Variants in CNTN5 observed in about 807,000 individuals in gnomAD.
CNTN5 encodes contactin 5.
In CNTN5, 77 loss-of-function variants were observed where a neutral mutation model predicts 129.1. The ratio of observed to expected loss-of-function variants is 0.60; its 90% CI spans 0.50 to 0.72. The LOEUF is 0.72. Among genes scored for constraint, CNTN5 ranks in the 30% least tolerant of loss-of-function variants. CNTN5 has a pLI of 0.00. For synonymous variants in CNTN5, 509 were observed against 465.6 expected (o/e 1.09, Z -1.20); for missense variants, 1,478 against 1,328.8 (o/e 1.11, Z -1.75).
chr11:99,900,066 A>T (rs1949313678), intron 6 of CNTN5, among the ~76,000 whole-genome samples: 1 of 151,756 alleles, frequency 6.6e-6, no homozygotes, highest in South Asian at 2.1e-4. Context: ...TGTCATCTTG[A>T]TCATTTCTGA....
intron 17 of CNTN5, among the ~76,000 whole-genome samples, chr11:100,258,346 C>G (rs771654918): frequency 2.6e-5 from 4 of 152,086 alleles, no homozygotes; most frequent in Non-Finnish European, 5.9e-5. Context: ...AGATGGGAAC[C>G]AAGTTGTAAA....
chr11:99,048,647 T>C (rs1193349750), intron 1 of CNTN5, among the ~76,000 whole-genome samples: 1 of 152,154 alleles, frequency 6.6e-6, no homozygotes. Context: ...ACTTTTAGTT[T>C]TTCAACTATT....
At chr11:99,894,836 A>G (rs1274993310) in intron 6 of CNTN5, among the ~76,000 whole-genome samples, 1 of 152,200 alleles carries the variant, frequency 6.6e-6, no homozygotes, top group Non-Finnish European at 1.5e-5. Context: ...AGAAACATCT[A>G]AATTTTACCT....
At chr11:99,632,004 A>C (rs193292604) in intron 3 of CNTN5, among the ~76,000 whole-genome samples, 133 of 152,276 alleles carry the variant, frequency 8.7e-4, no homozygotes, top group Non-Finnish European at 1.8e-3. Context: ...ATTAAACTTT[A>C]TCATAGGAAG....
chr11:99,281,825 A>T lies in CNTN5; in HGVS notation c.-209-43521A>T, dbSNP rs113183911. On this transcript the variant is annotated intron_variant, in intron 1 of 24. Transcript: ENST00000524871. The stretch of plus-strand genomic sequence containing the variant: ...TAAAATGTTTTTACTTCACTTATTC[A>T]TAAAATGTTTAGAGTGTTTCCAGGA... Among the ~76,000 whole-genome samples the T allele has an allele frequency of 7.2e-5, 11 of 152,084 alleles. 1 individual carries two copies. The highest frequency in any genetic ancestry group is 2.2e-4 in the African/African-American group (9 of 41,540).
chr11:100,299,461 C>T lies in CNTN5; in HGVS notation c.2620+65C>T, dbSNP rs1951172495. 4.3e-6 allele frequency: 4 copies of T among 937,142 alleles called. 1 individual carries two copies. The South Asian group carries it at 6.4e-5, about 15-fold the overall frequency. 58.1% of individuals were successfully genotyped at this position (937,142 alleles called of 1,614,324 possible). On this transcript the variant is annotated intron_variant, in intron 20 of 24. Coordinates refer to ENST00000524871, the MANE Select transcript of CNTN5 (RefSeq NM_014361.4). Reference sequence around the variant, plus strand: ...ACTTTGTTATACAAATAATCAGACACCTTTGTACACATATTAGAAAATACA... The same window carrying T: ...ACTTTGTTATACAAATAATCAGACATCTTTGTACACATATTAGAAAATACA...
intron 7 of CNTN5, among the ~76,000 whole-genome samples, chr11:99,935,544 A>T (rs1332991951): frequency 6.6e-6 from 1 of 152,058 alleles, no homozygotes; most frequent in East Asian, 1.9e-4. Flanking sequence ...TTTGCAATGA[A>T]CATTAATAGA....
chr11:99,886,885 G>A (rs1448125108), intron 6 of CNTN5, among the ~76,000 whole-genome samples: 1 of 151,982 alleles, frequency 6.6e-6, no homozygotes, highest in Non-Finnish European at 1.5e-5. Context: ...GCATATGTGA[G>A]GAAACTTCTT....
At chr11:99,402,188 T>C (rs1941847751) in intron 2 of CNTN5, among the ~76,000 whole-genome samples, 1 of 152,226 alleles carries the variant, frequency 6.6e-6, no homozygotes, top group African/African-American at 2.4e-5. Flanking sequence ...CCATTCAGTA[T>C]GATACTAGCT....
chr11:99,082,218 G>GC (rs34543876), intron 1 of CNTN5, among the ~76,000 whole-genome samples: 30,091 of 138,306 alleles, frequency 0.22, 3,559 homozygotes, highest in South Asian at 0.29. Flanking sequence ...ACTGAGTCTT[G>GC]CCCTGTCGTC....
intron 6 of CNTN5, among the ~76,000 whole-genome samples, chr11:99,897,265 G>C (rs1349749922): frequency 1.3e-5 from 2 of 152,128 alleles, no homozygotes; most frequent in Non-Finnish European, 2.9e-5. Context: ...AATATTGCTA[G>C]AGGTAGATAT....
intron 1 of CNTN5, among the ~76,000 whole-genome samples, chr11:99,160,308 T>A (rs1860546254): frequency 6.6e-6 from 1 of 152,216 alleles, no homozygotes; most frequent in Non-Finnish European, 1.5e-5. Flanking sequence ...GGGAAAGATT[T>A]CCTGAAGTAT....
At chr11:99,145,226 T>G (rs1342574907) in intron 1 of CNTN5, among the ~76,000 whole-genome samples, 2 of 152,062 alleles carry the variant, frequency 1.3e-5, no homozygotes, top group African/African-American at 4.8e-5. Context: ...TGAGCAACCA[T>G]GCCTGGCTAA....
At chr11:99,430,112 T>C (rs1197522697) in intron 2 of CNTN5, among the ~76,000 whole-genome samples, 1 of 152,126 alleles carries the variant, frequency 6.6e-6, no homozygotes, top group Non-Finnish European at 1.5e-5. Flanking sequence ...CTTTATGCTG[T>C]GACTTTTAAG....
intron 15 of CNTN5, among the ~76,000 whole-genome samples, chr11:100,203,652 G>T (rs1948837783): frequency 1.3e-5 from 2 of 151,282 alleles, no homozygotes; most frequent in African/African-American, 2.4e-5. Context: ...TCCATTCCTG[G>T]AGTCAAAGTC....
chr11:100,098,229 T>A (rs1168653837), intron 13 of CNTN5, among the ~76,000 whole-genome samples: 1 of 152,100 alleles, frequency 6.6e-6, no homozygotes, highest in African/African-American at 2.4e-5. Context: ...GTATTTGACT[T>A]TAAAGCAAAT....
intron 6 of CNTN5, among the ~76,000 whole-genome samples, chr11:99,851,563 C>T (rs10501924): frequency 0.16 from 23,990 of 152,068 alleles, 2,028 homozygotes; most frequent in Non-Finnish European, 0.17. Flanking sequence ...ATAATTGATG[C>T]CAGAAAGTCA....
intron 2 of CNTN5, among the ~76,000 whole-genome samples, chr11:99,430,589 A>C (rs1376510867): frequency 6.6e-6 from 1 of 151,748 alleles, no homozygotes; most frequent in Non-Finnish European, 1.5e-5. Flanking sequence ...TGTATACTAT[A>C]TATGTATATA....
chr11:99,884,111 C>T (rs1266340830), intron 6 of CNTN5, among the ~76,000 whole-genome samples: 2 of 151,998 alleles, frequency 1.3e-5, no homozygotes, highest in African/African-American at 4.8e-5. Flanking sequence ...GGAAGTGCTC[C>T]CTGGAGGAAA....
Sources: allele counts gnomAD v4.1 joint callset (sites outside exome capture counted in the v4.1 genomes callset), GRCh38; gene constraint gnomAD v4.1.1; transcripts MANE v1.5; gene names NCBI Gene and HGNC (gene_info 2026-07-23, HGNC 2026-07-21).